The following PMM2 variants were observed in gnomAD, a reference collection of about 807,000 sequenced individuals.
The protein encoded by PMM2 is phosphomannomutase 2, also known as mannose-6-phosphate isomerase.
In PMM2, 35 loss-of-function variants were observed where a neutral mutation model predicts 33.2. The observed-to-expected ratio is 1.06, with a 90% CI of 0.81 to 1.40. The LOEUF is 1.40. Ranked by LOEUF, PMM2 falls within the 40% of genes most tolerant of loss-of-function variation. The probability of loss-of-function intolerance (pLI) is 0.00; values close to 1 mark genes in which losing one functional copy is unlikely to be tolerated. For missense variants in PMM2, 386 were observed against 306.0 expected (o/e 1.26, Z -1.95); for synonymous variants, 153 against 114.7 (o/e 1.33, Z -2.13).
chr16:8,803,554 C>T (rs373573540), intron 2 of PMM2, among the ~76,000 whole-genome samples: 254 of 152,298 alleles, frequency 1.7e-3, no homozygotes, highest in African/African-American at 5.9e-3. Context: ...GGGGTCCCCA[C>T]CCAACACATA....
At chr16:8,798,318 G>T (rs9931867) in intron 1 of PMM2, among the ~76,000 whole-genome samples, 1 of 152,164 alleles carries the variant, frequency 6.6e-6, no homozygotes, top group Non-Finnish European at 1.5e-5. Context: ...AATGGGCTGT[G>T]CCGTGAGTCA....
At position 8,848,170 on chromosome 16, in the gene PMM2, C is replaced by T. The variant is rs1202908175; in HGVS notation, c.*345C>T. The T allele has an allele frequency of 3.4e-6, 1 of 297,150 alleles. No individual in the cohort carries two copies. Among genetic ancestry groups the T allele is most frequent in the African/African-American group, 2.2e-5 (1 of 46,054 alleles). 18.4% of individuals were successfully genotyped at this position (297,150 alleles called of 1,614,324 possible). On this transcript the variant is annotated 3_prime_UTR_variant, in exon 8 of 8. Coordinates refer to ENST00000268261, the MANE Select transcript of PMM2 (RefSeq NM_000303.3). ...GATGATACAGAAAGAAAAACTGTGCCTGGACCCTCCCTCTTGGTGGGTCTG... is the reference window on the plus strand; with the variant it reads ...GATGATACAGAAAGAAAAACTGTGCTTGGACCCTCCCTCTTGGTGGGTCTG...
At chr16:8,829,038 T>C (rs991326957) in intron 7 of PMM2, among the ~76,000 whole-genome samples, 7 of 152,106 alleles carry the variant, frequency 4.6e-5, no homozygotes, top group African/African-American at 1.4e-4. Flanking sequence ...AGTGCAGTGG[T>C]GCGATCTTAG....
intron 4 of PMM2, chr16:8,809,695 G>T (rs868171639): frequency 2.0e-5 from 3 of 151,814 alleles, no homozygotes; most frequent in African/African-American, 7.3e-5. Context: ...CAAGGAATCC[G>T]CCCGCCGCAG....
rs5815496 is a variant in PMM2, at chr16:8,800,360, C to CAAA, written c.67-1424_67-1422dup. Among the ~76,000 whole-genome samples the CAAA allele has an allele frequency of 3.4e-3, 439 of 128,394 alleles. 1 individual carries two copies. Among genetic ancestry groups the CAAA allele is most frequent in the Non-Finnish European group, 6.3e-3 (374 of 59,510 alleles). 84.2% of individuals were successfully genotyped at this position (128,394 alleles called of 152,430 possible). A position where few individuals can be genotyped will look rare whatever the true frequency, so the allele number is the denominator to read the frequency against. ...TGGGTGACAGAGCACGACTTCGTGT[C>CAAA]AAAAAAAAAAAAAAAAAGACATTCA... On this transcript the variant is annotated intron_variant, in intron 1 of 7. Transcript: ENST00000268261.
chr16:8,817,006 A>G (rs2060711972), intron 7 of PMM2, among the ~76,000 whole-genome samples: 1 of 152,054 alleles, frequency 6.6e-6, no homozygotes, highest in African/African-American at 2.4e-5. Flanking sequence ...CTGTACTCCA[A>G]CTCCTGAGTT....
intron 7 of PMM2, among the ~76,000 whole-genome samples, chr16:8,814,519 G>T (rs1381319394): frequency 6.6e-6 from 1 of 152,180 alleles, no homozygotes; most frequent in Admixed American, 6.5e-5. Context: ...TTGCTTTTCA[G>T]CAGGGTCCCC....
intron 7 of PMM2, among the ~76,000 whole-genome samples, chr16:8,846,260 A>G (rs932825715): frequency 1.3e-5 from 2 of 152,214 alleles, no homozygotes; most frequent in Admixed American, 1.3e-4. Flanking sequence ...TTCCAGAGGC[A>G]ATTAATTCTT....
intron 7 of PMM2, among the ~76,000 whole-genome samples, chr16:8,834,838 G>A (rs1473963261): frequency 6.6e-6 from 1 of 152,160 alleles, no homozygotes; most frequent in African/African-American, 2.4e-5. Context: ...GGGAAATGGG[G>A]TGAATATCAG....
intron 7 of PMM2, among the ~76,000 whole-genome samples, chr16:8,817,563 T>G (rs2060714947): frequency 6.6e-6 from 1 of 152,246 alleles, no homozygotes; most frequent in South Asian, 2.1e-4. Context: ...ATGACTTATT[T>G]TGGGAATTCT....
intron 7 of PMM2, among the ~76,000 whole-genome samples, chr16:8,843,276 C>T (rs1252920070): frequency 6.6e-6 from 1 of 151,956 alleles, no homozygotes; most frequent in African/African-American, 2.4e-5. Context: ...GTGGACTTAC[C>T]CTCCACTGTG....
chr16:8,838,756 C>T (rs1387150739), intron 7 of PMM2, among the ~76,000 whole-genome samples: 2 of 151,942 alleles, frequency 1.3e-5, no homozygotes, highest in Admixed American at 6.6e-5. Context: ...CCTAGGACAT[C>T]CAATTAGAGA....
chr16:8,813,808 AAG>A (rs1017361623), intron 7 of PMM2, among the ~76,000 whole-genome samples: 6 of 150,588 alleles, frequency 4.0e-5, no homozygotes, highest in African/African-American at 1.5e-4. Flanking sequence ...TCAAAGGCCC[AAG>A]AGGAGGCTCA....
At chr16:8,837,200 G>A (rs2060855272) in intron 7 of PMM2, among the ~76,000 whole-genome samples, 1 of 151,828 alleles carries the variant, frequency 6.6e-6, no homozygotes, top group Non-Finnish European at 1.5e-5. Flanking sequence ...GACTAGGAAG[G>A]GACTGATGTG....
intron 7 of PMM2, among the ~76,000 whole-genome samples, chr16:8,820,368 TC>T (rs1162344152): frequency 1.5e-4 from 22 of 146,442 alleles, no homozygotes; most frequent in Non-Finnish European, 2.6e-4. Context: ...TTTTTTTTTT[TC>T]CTGAGACAAG....
intron 7 of PMM2, among the ~76,000 whole-genome samples, chr16:8,836,156 T>G (rs552302871): frequency 7.2e-5 from 10 of 138,880 alleles, no homozygotes; most frequent in South Asian, 4.8e-4. Context: ...AAGAAGGTAA[T>G]GTGGAGTGGG....
intron 1 of PMM2, 76 bp downstream of exon 1, chr16:8,798,024 A>G (rs2060589552): frequency 1.4e-6 from 2 of 1,437,702 alleles, no homozygotes; most frequent in East Asian, 4.9e-5. Context: ...TCGACCACCC[A>G]GGGTAGGCGC....
intron 7 of PMM2, among the ~76,000 whole-genome samples, chr16:8,826,726 CACA>C (rs1199101801): frequency 6.6e-6 from 1 of 152,134 alleles, no homozygotes; most frequent in Non-Finnish European, 1.5e-5. Flanking sequence ...ACATCACACA[CACA>C]ACATTATAAA....
intron 4 of PMM2, chr16:8,807,050 A>C (rs951978935): frequency 2.0e-5 from 3 of 153,828 alleles, no homozygotes; most frequent in African/African-American, 7.2e-5. Flanking sequence ...GCTGGAGTGC[A>C]GTGGCAGGAT....
Sources: gnomAD v4.1 joint callset for allele counts (sites outside exome capture counted in the v4.1 genomes callset) on GRCh38, gnomAD v4.1.1 for gene constraint, MANE v1.5 for transcripts, NCBI Gene and HGNC (gene_info 2026-07-23, HGNC 2026-07-21) for gene names.